RPAP1: variants seen among roughly 807,000 people sequenced by gnomAD.
RPAP1 encodes the protein RNA polymerase II associated protein 1, also known as RNA polymerase II-associated protein 1.
In RPAP1, 109 loss-of-function variants were observed where a neutral mutation model predicts 142.4. The ratio of observed to expected loss-of-function variants is 0.77; its 90% CI spans 0.66 to 0.90. RPAP1 has a LOEUF of 0.90. Ranked by LOEUF, RPAP1 falls within the 40% of genes least tolerant of loss-of-function variation. RPAP1 has a pLI of 0.00. For synonymous variants in RPAP1, 704 were observed against 738.9 expected, an observed-to-expected ratio of 0.95 and a Z score of 0.77; for missense variants, 1,546 against 1,751.7, an observed-to-expected ratio of 0.88 and a Z score of 2.10.
intron 6 of RPAP1, among the ~76,000 whole-genome samples, chr15:41,532,921 G>C (rs2051868057): frequency 7.4e-6 from 1 of 135,594 alleles, no homozygotes; most frequent in African/African-American, 2.8e-5. Flanking sequence ...ACAGGTTGCA[G>C]TGAGCTGAGA....
intron 4 of RPAP1, among the ~76,000 whole-genome samples, 183 bp from the exon 5 acceptor site, chr15:41,535,815 G>A (rs1387846244): frequency 6.6e-6 from 1 of 152,234 alleles, no homozygotes; most frequent in African/African-American, 2.4e-5. Context: ...GACTCTGACA[G>A]ACTTGGGTTG....
intron 22 of RPAP1, among the ~76,000 whole-genome samples, chr15:41,518,895 A>T (rs79297129): frequency 1.5e-3 from 232 of 152,262 alleles, no homozygotes; most frequent in African/African-American, 5.0e-3. Flanking sequence ...ACAAAATACA[A>T]TAACTTCTTT....
chr15:41,531,600 CATATATAT>C (rs779055706), intron 6 of RPAP1, among the ~76,000 whole-genome samples: 780 of 67,510 alleles, frequency 0.012, 5 homozygotes, highest in Middle Eastern at 0.016. Context: ...TGCACACACA[CATATATAT>C]ATATATATAT....
chr15:41,531,261 G>A (rs2051844698), intron 6 of RPAP1, 59 bp from the exon 7 acceptor site: 1 of 1,510,200 alleles, frequency 6.6e-7, no homozygotes, highest in African/African-American at 1.4e-5. Flanking sequence ...GCCTCCTACA[G>A]ACCTGGAACC....
intron 22 of RPAP1, 133 bp downstream of exon 22, chr15:41,520,258 C>G (rs1327025818): frequency 1.0e-6 from 1 of 983,980 alleles, no homozygotes; most frequent in African/African-American, 1.6e-5. Flanking sequence ...TTCATTGATT[C>G]TCTTAATCCC....
chr15:41,524,891 C>A, intron 15 of RPAP1, 100 bp downstream of exon 15: 1 of 1,275,374 alleles, frequency 7.8e-7, no homozygotes, highest in Non-Finnish European at 1.1e-6. Context: ...CTTATCCTTC[C>A]TCCAAGCTTG....
rs775190008 is a variant in RPAP1, at chr15:41,517,638, C to T, written c.4086G>A (p.Glu1362=). 6 of 1,612,626 alleles carry T rather than the reference C, an allele frequency of 3.7e-6. No homozygotes were observed. In the South Asian group the frequency reaches 5.5e-5, roughly 15 times the overall value. ...GCAACTGAGAATAGAGCTCAAAGCC[C>T]TCTGGGAGCGTGGAATTGGGAAGCT... ...HYKLPNSTLP[E]GFELYSQLPP... The change falls in exon 25 of 25, where the codon GAG becomes GAA. Residue 1362 remains glutamate, a synonymous_variant. Coordinates refer to ENST00000304330, the MANE Select transcript of RPAP1 (RefSeq NM_015540.4).
intron 1 of RPAP1, among the ~76,000 whole-genome samples, chr15:41,538,551 C>G (rs1326115351): frequency 2.0e-5 from 3 of 152,054 alleles, no homozygotes; most frequent in African/African-American, 7.2e-5. Flanking sequence ...ACAAACAGGT[C>G]AGCAATCAAA....
At chr15:41,527,396 G>A (rs1386276241) in intron 12 of RPAP1, 27 bp downstream of exon 12, 1 of 1,613,702 alleles carries the variant, frequency 6.2e-7, no homozygotes, top group Admixed American at 1.7e-5. Context: ...CCTGGGCCAT[G>A]GGATGGGAAA....
intron 1 of RPAP1, among the ~76,000 whole-genome samples, chr15:41,541,016 A>G (rs2051967246): frequency 6.6e-6 from 1 of 152,186 alleles, no homozygotes; most frequent in Non-Finnish European, 1.5e-5. Context: ...GTCTGCAGAC[A>G]TTGCCAAATG....
Position 41,537,067 on chromosome 15 carries a change from T to A in RPAP1, c.59A>T (p.Gln20Leu). The change falls in exon 2 of 25, where the codon CAG becomes CTG. Residue 20 changes from glutamine to leucine, a missense_variant. Physicochemically the swap from Gln to Leu is moderately radical, Grantham distance 113. This residue lies in a region of RPAP1 where 1,333 missense variants were observed against 1,486.6 expected (regional missense o/e 0.90). Coordinates refer to ENST00000304330, the MANE Select transcript of RPAP1 (RefSeq NM_015540.4). ...SEVDLLHFQS[Q>L]FLAAGAAPAV... is the part of the protein sequence containing the mutation. ...TGGGGCTGCACCAGCTGCGAGAAAC[T>A]GACTCTGGAAGTGCAGCAGGTCCAC... is the stretch of plus-strand genomic sequence containing the variant. 6.2e-7 allele frequency: 1 copy of A among 1,614,136 alleles called. No individual in the cohort carries two copies. The highest frequency in any genetic ancestry group is 8.5e-7 in the Non-Finnish European group (1 of 1,180,004).
intron 7 of RPAP1, 93 bp from the exon 8 acceptor site, chr15:41,530,072 T>C (rs1477035893): frequency 2.6e-5 from 24 of 905,980 alleles, no homozygotes; most frequent in Admixed American, 4.0e-5. Flanking sequence ...CACATCCACT[T>C]CTGTTCCAGG....
At chr15:41,527,680 C>T in intron 11 of RPAP1, 75 bp from the exon 12 acceptor site, 1 of 1,499,464 alleles carries the variant, frequency 6.7e-7, no homozygotes, top group African/African-American at 1.4e-5. Flanking sequence ...GAGGATGCTC[C>T]CCAATAAAAA....
intron 1 of RPAP1, among the ~76,000 whole-genome samples, chr15:41,538,761 G>A (rs1251258174): frequency 2.0e-5 from 3 of 152,054 alleles, no homozygotes. Flanking sequence ...AGGCAAAAAA[G>A]AAATTAACAT....
At chr15:41,534,555 C>A (rs1722029453) in intron 6 of RPAP1, among the ~76,000 whole-genome samples, 159 bp downstream of exon 6, 1 of 131,426 alleles carries the variant, frequency 7.6e-6, no homozygotes. Context: ...CACTGCATTC[C>A]AGCCTGGGTG....
intron 4 of RPAP1, 144 bp downstream of exon 4, chr15:41,535,985 A>G (rs1411015032): frequency 1.6e-6 from 1 of 643,082 alleles, no homozygotes; most frequent in Non-Finnish European, 2.7e-6. Flanking sequence ...AGATTAAAAG[A>G]AGTAATGGGT....
intron 12 of RPAP1, 32 bp downstream of exon 12, chr15:41,527,391 G>A (rs2051803849): frequency 6.2e-7 from 1 of 1,613,544 alleles, no homozygotes; most frequent in Non-Finnish European, 8.5e-7. Context: ...TGTCCCCTGG[G>A]CCATGGGATG....
intron 17 of RPAP1, 97 bp from the exon 18 acceptor site, chr15:41,523,451 A>G (rs2297377): frequency 0.47 from 378,076 of 802,430 alleles, 90,535 homozygotes; most frequent in East Asian, 0.67. Flanking sequence ...ACAGCCCAAA[A>G]GAGCACATTT....
intron 2 of RPAP1, 59 bp from the exon 3 acceptor site, chr15:41,536,708 A>C: frequency 1.9e-6 from 3 of 1,572,530 alleles, no homozygotes; most frequent in Non-Finnish European, 2.6e-6. Flanking sequence ...AAGACACTGC[A>C]GGCTAGGGAA....
Sources: gnomAD v4.1 joint callset for allele counts (sites outside exome capture counted in the v4.1 genomes callset) on GRCh38, gnomAD v4.1.1 for gene constraint, gnomAD v4.1.1 regional missense constraint, MANE v1.5 for transcripts, NCBI Gene and HGNC (gene_info 2026-07-23, HGNC 2026-07-21) for gene names.